The following RBFOX1 variants were observed in gnomAD, a reference collection of about 807,000 sequenced individuals.
RBFOX1 encodes RNA binding fox-1 homolog 1.
In RBFOX1, 8 loss-of-function variants were observed where a neutral mutation model predicts 57.7. The ratio of observed to expected loss-of-function variants is 0.14; its 90% CI spans 0.08 to 0.25. The LOEUF (loss-of-function observed/expected upper bound fraction) is 0.25, where lower values mean the gene tolerates loss of function less well. Among genes scored for constraint, RBFOX1 ranks in the 10% least tolerant of loss-of-function variants. RBFOX1 has a pLI of 1.00. For missense variants in RBFOX1, 611 were observed against 548.5 expected, an observed-to-expected ratio of 1.11 and a Z score of -1.14; for synonymous variants, 326 against 222.4, an observed-to-expected ratio of 1.47 and a Z score of -4.15.
chr16:6,606,365 G>A (rs764549039), intron 2 of RBFOX1, among the ~76,000 whole-genome samples: 1 of 152,144 alleles, frequency 6.6e-6, no homozygotes, highest in African/African-American at 2.4e-5. Flanking sequence ...GACTGTACGT[G>A]TTTTAAAATT....
At chr16:7,043,620 C>T (rs2046911592) in intron 3 of RBFOX1, among the ~76,000 whole-genome samples, 1 of 152,204 alleles carries the variant, frequency 6.6e-6, no homozygotes, top group Non-Finnish European at 1.5e-5. Flanking sequence ...GTAAACTTGT[C>T]CAGTGTTTTC....
At chr16:6,763,258 A>G (rs17733954) in intron 3 of RBFOX1, among the ~76,000 whole-genome samples, 59,390 of 152,118 alleles carry the variant, frequency 0.39, 11,932 homozygotes, top group Middle Eastern at 0.5. Context: ...TAAATGGTTT[A>G]TCACAATTTC....
chr16:6,925,757 C>T lies in RBFOX1; in HGVS notation c.-15-126300C>T, dbSNP rs148951553. 5.9e-5 allele frequency among the ~76,000 whole-genome samples: 9 copies of T among 151,714 alleles called. No homozygotes were observed. In the South Asian group the frequency reaches 6.3e-4, roughly 11 times the overall value. ...CACCCAAACACAGACAAGCAAAGAA[C>T]GGGAAATCCCCCAGGTAGGGATGAT... On this transcript the variant is annotated intron_variant, in intron 3 of 15. Coordinates refer to ENST00000550418, the MANE Select transcript of RBFOX1 (RefSeq NM_018723.4).
intron 1 of RBFOX1, among the ~76,000 whole-genome samples, chr16:5,451,780 G>T (rs772055398): frequency 6.6e-5 from 10 of 152,050 alleles, no homozygotes; most frequent in Non-Finnish European, 1.2e-4. Context: ...CTTTTTTCGT[G>T]TACCAGGCTA....
chr16:7,172,405 C>T (rs1300271369), intron 4 of RBFOX1, among the ~76,000 whole-genome samples: 8 of 152,118 alleles, frequency 5.3e-5, no homozygotes, highest in African/African-American at 1.4e-4. Context: ...GTGTGAAACA[C>T]ATTGTTATTC....
intron 11 of RBFOX1, among the ~76,000 whole-genome samples, chr16:7,634,612 C>G (rs1172246400): frequency 6.6e-6 from 1 of 151,996 alleles, no homozygotes; most frequent in Non-Finnish European, 1.5e-5. Context: ...ACAATGTGAC[C>G]CAGGACTCAT....
intron 11 of RBFOX1, among the ~76,000 whole-genome samples, chr16:7,635,336 GTTTAT>G (rs1042548353): frequency 6.6e-6 from 1 of 152,178 alleles, no homozygotes; most frequent in Non-Finnish European, 1.5e-5. Flanking sequence ...GCACGTAAAT[GTTTAT>G]TTTGTTTTCT....
intron 1 of RBFOX1, among the ~76,000 whole-genome samples, chr16:5,359,226 T>C (rs1455017132): frequency 6.6e-6 from 1 of 152,182 alleles, no homozygotes; most frequent in East Asian, 1.9e-4. Context: ...TGATGGACAG[T>C]TAGGTTGCTT....
chr16:5,470,000 T>C (rs1027990474), intron 2 of RBFOX1, among the ~76,000 whole-genome samples: 7 of 152,346 alleles, frequency 4.6e-5, no homozygotes, highest in Admixed American at 6.5e-5. Context: ...TTTTTGGTTC[T>C]TGTGGGTATA....
intron 3 of RBFOX1, among the ~76,000 whole-genome samples, chr16:6,727,050 AACAC>A (rs71408406): frequency 7.4e-6 from 1 of 135,790 alleles, no homozygotes; most frequent in African/African-American, 2.7e-5. Context: ...ATTTGGACTG[AACAC>A]ACACACACAC....
intron 4 of RBFOX1, among the ~76,000 whole-genome samples, chr16:7,291,434 A>G (rs2095771447): frequency 6.6e-6 from 1 of 152,212 alleles, no homozygotes; most frequent in South Asian, 2.1e-4. Context: ...TAGTATAGCC[A>G]CAATGGAAAA....
At chr16:6,293,080 C>T (rs2077641998) in intron 1 of RBFOX1, among the ~76,000 whole-genome samples, 1 of 152,092 alleles carries the variant, frequency 6.6e-6, no homozygotes, top group Admixed American at 6.5e-5. Context: ...CTCATAGCCA[C>T]ACTCAGATAG....
chr16:6,485,217 T>C (rs1472917174), intron 2 of RBFOX1, among the ~76,000 whole-genome samples: 2 of 152,202 alleles, frequency 1.3e-5, no homozygotes, highest in Non-Finnish European at 2.9e-5. Context: ...CCAAGTCTTA[T>C]CTGCCCACAC....
intron 4 of RBFOX1, among the ~76,000 whole-genome samples, chr16:7,103,468 A>G (rs561935487): frequency 1.3e-5 from 2 of 152,302 alleles, no homozygotes; most frequent in South Asian, 4.1e-4. Flanking sequence ...ATTTAGAAAT[A>G]CAGTATATGA....
At chr16:5,587,881 C>T (rs1045708701) in intron 2 of RBFOX1, among the ~76,000 whole-genome samples, 1 of 152,128 alleles carries the variant, frequency 6.6e-6, no homozygotes, top group Non-Finnish European at 1.5e-5. Flanking sequence ...GAAGTATCAA[C>T]CTATGTCCTC....
At chr16:6,444,332 A>T (rs1360913504) in intron 2 of RBFOX1, among the ~76,000 whole-genome samples, 1 of 152,074 alleles carries the variant, frequency 6.6e-6, no homozygotes, top group East Asian at 1.9e-4. Flanking sequence ...AGAAGGTTTG[A>T]CATGGTTTGG....
At chr16:5,660,141 A>G (rs2049597442) in intron 3 of RBFOX1, among the ~76,000 whole-genome samples, 2 of 152,226 alleles carry the variant, frequency 1.3e-5, no homozygotes, top group Admixed American at 6.5e-5. Context: ...TTTGGCGAGA[A>G]TGGGACTCAG....
intron 1 of RBFOX1, among the ~76,000 whole-genome samples, chr16:6,287,875 A>G (rs2077058877): frequency 6.6e-6 from 1 of 152,132 alleles, no homozygotes; most frequent in African/African-American, 2.4e-5. Context: ...AGAACTTCAC[A>G]TCTTCAGATA....
chr16:7,396,495 A>T (rs538717859), intron 4 of RBFOX1, among the ~76,000 whole-genome samples: 84 of 152,132 alleles, frequency 5.5e-4, no homozygotes, highest in Non-Finnish European at 9.1e-4. Flanking sequence ...CCTGATTCAT[A>T]AGTGGATGCT....
Sources: gnomAD v4.1 joint callset for allele counts (sites outside exome capture counted in the v4.1 genomes callset) on GRCh38, gnomAD v4.1.1 for gene constraint, MANE v1.5 for transcripts, NCBI Gene and HGNC (gene_info 2026-07-23, HGNC 2026-07-21) for gene names.